OR52I2: variants seen among roughly 807,000 people sequenced by gnomAD.
OR52I2 encodes olfactory receptor 52I2.
For missense variants in OR52I2, 350 were observed against 402.4 expected (o/e 0.87, Z 1.11); for synonymous variants, 147 against 151.9 (o/e 0.97, Z 0.24).
At position 4,587,872 on chromosome 11, in the gene OR52I2, T is replaced by C; in HGVS notation, c.*7T>C. The C allele has an allele frequency of 3.1e-6, 5 of 1,607,244 alleles. No individual in the cohort carries two copies. The African/African-American group carries it at 6.7e-5, about 21-fold the overall frequency. ...TTCCAACCTGGGTTCATGAACACAA[T>C]ATCTGTTCAGATCCAGCCAATTTCA... On this transcript the variant is annotated 3_prime_UTR_variant, in exon 2 of 2. Transcript: ENST00000641896.
exon 2 of OR52I2, chr11:4,588,109 C>T (rs1846322752): frequency 5.9e-6 from 3 of 510,438 alleles, no homozygotes; most frequent in Non-Finnish European, 1.1e-5. Flanking sequence ...TTTGATTGAA[C>T]TTATGTTTCC....
intron 1 of OR52I2, among the ~76,000 whole-genome samples, chr11:4,585,355 C>G (rs1379930857): frequency 6.6e-6 from 1 of 152,184 alleles, no homozygotes; most frequent in Non-Finnish European, 1.5e-5. Flanking sequence ...CCAGAAGAGG[C>G]AGCGCCCCTT....
At chr11:4,587,978 C>A in exon 2 of OR52I2, 1 of 845,640 alleles carries the variant, frequency 1.2e-6, no homozygotes, top group Non-Finnish European at 1.9e-6. Context: ...GATATCCTTG[C>A]ATAACTTTTC....
chr11:4,587,420 T>C (rs767026086), exon 2 of OR52I2: 3 of 1,614,086 alleles, frequency 1.9e-6, no homozygotes, highest in Non-Finnish European at 2.5e-6. Context: ...GGCTCCAATG[T>C]GGTTGTCCAC....
exon 2 of OR52I2, chr11:4,593,320 C>A: frequency 6.5e-6 from 1 of 154,570 alleles, no homozygotes; most frequent in Non-Finnish European, 1.4e-5. Context: ...GAATAGGATC[C>A]AGGGTAAATT....
rs56002758 is a variant in OR52I2, at chr11:4,587,163, A to G, written c.273A>G (p.Ser91=). 5.0e-3 allele frequency: 8,002 copies of G among 1,603,378 alleles called. 276 individuals are homozygous for G. In the African/African-American group the frequency reaches 0.081, roughly 16 times the overall value. The stretch of plus-strand genomic sequence containing the variant: ...CCAAGATGGTGAGCATCTTCTGCTC[A>G]GGAGACAGCTCAATCAGCTTTAGTG... The change falls in exon 2 of 2, where the codon TCA becomes TCG. Residue 91 remains serine (S), a synonymous_variant. Transcript: ENST00000641896.
chr11:4,583,910 G>A (rs941354297), intron 1 of OR52I2, among the ~76,000 whole-genome samples: 1 of 152,194 alleles, frequency 6.6e-6, no homozygotes, highest in African/African-American at 2.4e-5. Context: ...GCAAATATAT[G>A]TCTTTTGGTT....
exon 2 of OR52I2, chr11:4,588,481 C>A (rs114297435): frequency 3.3e-5 from 5 of 153,238 alleles, no homozygotes; most frequent in African/African-American, 1.2e-4. Flanking sequence ...TATTTTCAAT[C>A]CCTTTCAAGT....
exon 2 of OR52I2, chr11:4,587,303 G>T (rs772311686): frequency 1.2e-6 from 2 of 1,613,686 alleles, no homozygotes; most frequent in African/African-American, 1.3e-5. Flanking sequence ...CACTACAAGA[G>T]AATTCTCACG....
exon 2 of OR52I2, chr11:4,592,998 G>A (rs550512210): frequency 1.3e-5 from 2 of 152,164 alleles, no homozygotes; most frequent in African/African-American, 4.8e-5. Flanking sequence ...CATGATCTTG[G>A]CTAGAATATT....
At chr11:4,590,759 G>C (rs1846344697) in exon 2 of OR52I2, 1 of 152,148 alleles carries the variant, frequency 6.6e-6, no homozygotes, top group African/African-American at 2.4e-5. Flanking sequence ...AGCATACCCT[G>C]ATTTTTTCTT....
rs745489244 is a variant in OR52I2, at chr11:4,587,784, C to T, written c.894C>T (p.Gly298=). Residue 298 remains glycine, a synonymous_variant, in exon 2 of 2, where the codon GGC becomes GGT. Transcript: ENST00000641896. ...CCACCTTAAATCCCATCATCTATGG[C>T]ATGAGGACCAAACAACTGCGGGAGA... The T allele has an allele frequency of 1.4e-5, 22 of 1,614,014 alleles. No homozygotes were observed. In the Admixed American group the frequency reaches 3.3e-4, roughly 24 times the overall value.
At chr11:4,587,934 G>A in exon 2 of OR52I2, 3 of 1,246,180 alleles carry the variant, frequency 2.4e-6, no homozygotes, top group African/African-American at 1.5e-5. Context: ...TAGTTTACCT[G>A]GTGCTACAGG....
chr11:4,588,518 T>C (rs1453551353), exon 2 of OR52I2: 1 of 152,868 alleles, frequency 6.5e-6, no homozygotes, highest in Non-Finnish European at 1.5e-5. Context: ...CTCTGGTTTA[T>C]CCTCTATTTG....
chr11:4,585,223 G>C lies in OR52I2; in HGVS notation c.-19-1649G>C, dbSNP rs940364867. On this transcript the variant is annotated intron_variant, in intron 1 of 1. Transcript: ENST00000641896. Reference sequence around the variant, plus strand: ...CCTGCCTCTTGATGATGTAGGAACAGTACCACATTTTGAGTGTGGTACATG... The same window carrying C: ...CCTGCCTCTTGATGATGTAGGAACACTACCACATTTTGAGTGTGGTACATG... 2.6e-5 allele frequency among the ~76,000 whole-genome samples: 4 copies of C among 152,238 alleles called. No individual in the cohort carries two copies. In the East Asian group the frequency reaches 7.7e-4, roughly 29 times the overall value.
At chr11:4,584,121 T>A (rs74605685) in intron 1 of OR52I2, among the ~76,000 whole-genome samples, 1 of 152,178 alleles carries the variant, frequency 6.6e-6, no homozygotes, top group Non-Finnish European at 1.5e-5. Context: ...CTTCTTACTA[T>A]GGAAACCCTT....
At chr11:4,591,092 A>C (rs372118157) in exon 2 of OR52I2, 6 of 152,170 alleles carry the variant, frequency 3.9e-5, no homozygotes, top group East Asian at 1.9e-4. Context: ...TAGGAGGTGA[A>C]CTGAAGGAGC....
chr11:4,582,434 A>ATTTTTTTTTTTTTTTTTTTTTTTTAT (rs386372959), intron 1 of OR52I2, among the ~76,000 whole-genome samples: 1 of 96,482 alleles, frequency 1.0e-5, no homozygotes, highest in African/African-American at 4.3e-5. Context: ...TTTATTTTTC[A>ATTTTTTTTTTTTTTTTTTTTTTTTAT]TTTTTTTTTT....
intron 1 of OR52I2, among the ~76,000 whole-genome samples, chr11:4,582,762 T>C (rs1485988864): frequency 6.6e-6 from 1 of 151,974 alleles, no homozygotes; most frequent in Non-Finnish European, 1.5e-5. Context: ...TTTCGGTGAT[T>C]GGCCCTCCAG....
Sources: allele counts gnomAD v4.1 joint callset (sites outside exome capture counted in the v4.1 genomes callset), GRCh38; gene constraint gnomAD v4.1.1; transcripts MANE v1.5; gene names NCBI Gene and HGNC (gene_info 2026-07-23, HGNC 2026-07-21).